Variants in GRIA4 observed in about 807,000 individuals in gnomAD.
GRIA4 encodes glutamate receptor 4.
Under a neutral mutation model 104.0 loss-of-function variants are expected in GRIA4, and 34 were observed. The observed-to-expected ratio is 0.33, with a 90% CI of 0.25 to 0.44. GRIA4 has a LOEUF of 0.44. GRIA4 is among the 20% of genes least tolerant of loss of function. The pLI is 1.00. For missense variants in GRIA4, 750 were observed against 1,096.5 expected (o/e 0.68, Z 4.46); for synonymous variants, 386 against 381.9 (o/e 1.01, Z -0.13).
intron 3 of GRIA4, among the ~76,000 whole-genome samples, chr11:105,688,152 A>ATC (rs1555101449): frequency 2.1e-3 from 147 of 70,706 alleles, no homozygotes; most frequent in African/African-American, 4.3e-3. Context: ...ATCTATATCT[A>ATC]TATCTCTATC....
intron 7 of GRIA4, among the ~76,000 whole-genome samples, chr11:105,898,931 T>C (rs540043301): frequency 2.0e-5 from 3 of 152,262 alleles, no homozygotes; most frequent in South Asian, 4.1e-4. Context: ...AAAAAGCTGG[T>C]AAATTTCTGA....
chr11:105,871,247 T>C (rs527518942), intron 5 of GRIA4, among the ~76,000 whole-genome samples: 57 of 152,224 alleles, frequency 3.7e-4, no homozygotes, highest in African/African-American at 1.3e-3. Flanking sequence ...TTTTAAGAAG[T>C]GTAACTAATC....
chr11:105,661,378 T>C lies in GRIA4; in HGVS notation c.247+48944T>C, dbSNP rs944020109. On this transcript the variant is annotated intron_variant, in intron 3 of 16. Transcript: ENST00000282499. ...ACAGTCACTACCCCCTAGAAATTGC[T>C]CTAGATTGATACTGAAGACACAAAA... 2.6e-5 allele frequency among the ~76,000 whole-genome samples: 4 copies of C among 151,554 alleles called. No homozygotes were observed. In the South Asian group the frequency reaches 8.3e-4, roughly 31 times the overall value.
chr11:105,904,582 T>A (rs2136146701), intron 8 of GRIA4, among the ~76,000 whole-genome samples: 1 of 152,300 alleles, frequency 6.6e-6, no homozygotes, highest in African/African-American at 2.4e-5. Context: ...TTGGATTAAG[T>A]AGTTTATTTT....
chr11:105,749,718 C>T (rs1315593181), intron 3 of GRIA4, among the ~76,000 whole-genome samples: 2 of 152,146 alleles, frequency 1.3e-5, no homozygotes, highest in African/African-American at 4.8e-5. Flanking sequence ...AATTAGTTGA[C>T]ACAATCAGGT....
intron 3 of GRIA4, among the ~76,000 whole-genome samples, chr11:105,734,773 A>G (rs970845729): frequency 3.9e-5 from 6 of 152,168 alleles, no homozygotes; most frequent in African/African-American, 1.4e-4. Flanking sequence ...ACTCCTAGTT[A>G]TCAGTCAATT....
chr11:105,862,883 A>G (rs1034734705), intron 5 of GRIA4, among the ~76,000 whole-genome samples: 3 of 152,150 alleles, frequency 2.0e-5, no homozygotes, highest in Non-Finnish European at 4.4e-5. Flanking sequence ...ATATCATCAA[A>G]TAATGGATAA....
intron 12 of GRIA4, 144 bp from the exon 13 acceptor site, chr11:105,926,597 A>C: frequency 1.6e-6 from 1 of 622,726 alleles, no homozygotes; most frequent in Non-Finnish European, 2.9e-6. Flanking sequence ...GAAATTCAGA[A>C]TCATTCTTGA....
intron 7 of GRIA4, among the ~76,000 whole-genome samples, chr11:105,900,649 C>T (rs1946821605): frequency 1.3e-5 from 2 of 152,232 alleles, no homozygotes; most frequent in East Asian, 3.9e-4. Context: ...TGCAGTGTCG[C>T]GATCTCGCCC....
At chr11:105,755,928 C>T (rs567885754) in intron 4 of GRIA4, among the ~76,000 whole-genome samples, 9 of 152,264 alleles carry the variant, frequency 5.9e-5, no homozygotes, top group African/African-American at 1.2e-4. Context: ...TGGACTAAGA[C>T]GTCATTGCCT....
chr11:105,900,507 G>T (rs900722155), intron 7 of GRIA4, among the ~76,000 whole-genome samples: 12 of 152,096 alleles, frequency 7.9e-5, no homozygotes, highest in African/African-American at 2.9e-4. Flanking sequence ...TCTACCTGTT[G>T]AAATCCAACC....
intron 14 of GRIA4, among the ~76,000 whole-genome samples, chr11:105,963,385 G>A (rs1410967093): frequency 6.6e-6 from 1 of 152,090 alleles, no homozygotes; most frequent in Non-Finnish European, 1.5e-5. Flanking sequence ...CTTATTATGT[G>A]AGGGAATTAC....
chr11:105,849,557 T>C (rs575092914), intron 4 of GRIA4, among the ~76,000 whole-genome samples: 72 of 152,306 alleles, frequency 4.7e-4, no homozygotes, highest in Admixed American at 1.8e-3. Flanking sequence ...AACTACCTAT[T>C]TAAACAGATT....
At chr11:105,634,513 GAAGA>G (rs778170429) in intron 3 of GRIA4, among the ~76,000 whole-genome samples, 13 of 69,440 alleles carry the variant, frequency 1.9e-4, no homozygotes, top group African/African-American at 5.7e-4. Flanking sequence ...AAGAAAGAAA[GAAGA>G]AAGAAAGAAA....
At position 105,813,617 on chromosome 11, in the gene GRIA4, A is replaced by C. The variant is rs575976023; in HGVS notation, c.488-48407A>C. 1.4e-4 allele frequency among the ~76,000 whole-genome samples: 22 copies of C among 152,302 alleles called. 1 individual carries two copies. The South Asian group carries it at 4.6e-3, about 32-fold the overall frequency. Reference sequence around the variant, plus strand: ...AGTGGATAGGTTCTGGAGTCAAGAAATAAGGCTTTGAATAAGTGCTCTGCC... The same window carrying C: ...AGTGGATAGGTTCTGGAGTCAAGAACTAAGGCTTTGAATAAGTGCTCTGCC... On this transcript the variant is annotated intron_variant, in intron 4 of 16. Coordinates refer to ENST00000282499, the MANE Select transcript of GRIA4 (RefSeq NM_000829.4).
intron 14 of GRIA4, among the ~76,000 whole-genome samples, chr11:105,939,170 G>T (rs1948124013): frequency 6.6e-6 from 1 of 152,166 alleles, no homozygotes; most frequent in Non-Finnish European, 1.5e-5. Flanking sequence ...TGACTCCTGA[G>T]TGGGTTCCAA....
chr11:105,662,024 T>TGTGTGTGTGTGC (rs1409485476), intron 3 of GRIA4, among the ~76,000 whole-genome samples: 5 of 151,524 alleles, frequency 3.3e-5, no homozygotes, highest in African/African-American at 9.7e-5. Context: ...TGTGTGTGTG[T>TGTGTGTGTGTGC]GCACATCAAA....
intron 4 of GRIA4, among the ~76,000 whole-genome samples, chr11:105,780,750 C>T (rs1238405952): frequency 6.6e-6 from 1 of 152,088 alleles, no homozygotes; most frequent in Non-Finnish European, 1.5e-5. Flanking sequence ...GAAAAATAAT[C>T]GTAACCATAT....
chr11:105,808,462 G>A (rs374934444), intron 4 of GRIA4, among the ~76,000 whole-genome samples: 81 of 152,072 alleles, frequency 5.3e-4, no homozygotes, highest in African/African-American at 1.9e-3. Context: ...TTCAGAATTT[G>A]TAATAATCTT....
Sources: allele counts gnomAD v4.1 joint callset (sites outside exome capture counted in the v4.1 genomes callset), GRCh38; gene constraint gnomAD v4.1.1; transcripts MANE v1.5; gene names NCBI Gene and HGNC (gene_info 2026-07-23, HGNC 2026-07-21).